The following CCDC171 variants were observed in gnomAD, a reference collection of about 807,000 sequenced individuals.
CCDC171 encodes the protein coiled-coil domain-containing protein 171.
CCDC171 carries 177 observed loss-of-function variants against 168.2 expected under a neutral mutation model. The ratio of observed to expected loss-of-function variants is 1.05; its 90% CI spans 0.93 to 1.19. CCDC171 has a LOEUF of 1.19. Ranked by LOEUF, CCDC171 falls within the 50% of genes most tolerant of loss-of-function variation. The pLI is 0.00. For synonymous variants in CCDC171, 687 were observed against 540.8 expected (o/e 1.27, Z -3.75); for missense variants, 1,991 against 1,539.0 (o/e 1.29, Z -4.91).
At chr9:15,577,378 G>A (rs1168278169) in intron 3 of CCDC171, among the ~76,000 whole-genome samples, 1 of 152,108 alleles carries the variant, frequency 6.6e-6, no homozygotes, top group Non-Finnish European at 1.5e-5. Context: ...TCATAGTTAA[G>A]TGCGTTCATT....
intron 3 of CCDC171, among the ~76,000 whole-genome samples, chr9:16,019,960 G>T (rs1833117951): frequency 6.6e-6 from 1 of 152,076 alleles, no homozygotes; most frequent in South Asian, 2.1e-4. Context: ...GAGATGTTTG[G>T]GGAAAGAAAC....
intron 10 of CCDC171, among the ~76,000 whole-genome samples, chr9:15,679,148 T>A (rs2049859349): frequency 6.6e-6 from 1 of 152,168 alleles, no homozygotes; most frequent in Non-Finnish European, 1.5e-5. Context: ...TTCAAAAATG[T>A]ATTCAAATGT....
the CCDC171 span, among the ~76,000 whole-genome samples, chr9:16,096,359 C>G: frequency 3.2e-3 from 484 of 152,326 alleles, no homozygotes; most frequent in African/African-American, 0.011. Context: ...TTACCCCACA[C>G]CTCTGCACTC....
chr9:15,752,411 A>G (rs1294041267), intron 18 of CCDC171, among the ~76,000 whole-genome samples: 1 of 152,220 alleles, frequency 6.6e-6, no homozygotes, highest in Admixed American at 6.5e-5. Flanking sequence ...GTATATACTG[A>G]AAGGATTGTA....
chr9:15,619,063 A>C (rs147397790), intron 6 of CCDC171, among the ~76,000 whole-genome samples: 1 of 151,808 alleles, frequency 6.6e-6, no homozygotes, highest in East Asian at 1.9e-4. Flanking sequence ...TTAATTTATA[A>C]ATATATGTGT....
In CCDC171 at chr9:15,663,901, C is replaced by T. The variant is rs541314906; in HGVS notation, c.916-2262C>T. Among the ~76,000 whole-genome samples, 207 of 152,038 alleles carry T rather than the reference C, an allele frequency of 1.4e-3. 1 individual carries two copies. The highest frequency in any genetic ancestry group is 2.6e-3 in the Non-Finnish European group (174 of 68,022). ...GATTACATGCGTGAGCCACCGCGCC[C>T]GGCTGAGAATTTTCTTTTTAGTAGT... is the stretch of plus-strand genomic sequence containing the variant. On this transcript the variant is annotated intron_variant, in intron 8 of 25. Coordinates refer to ENST00000380701, the MANE Select transcript of CCDC171 (RefSeq NM_173550.4).
chr9:15,852,552 A>G (rs954388205), intron 23 of CCDC171, among the ~76,000 whole-genome samples: 3 of 151,590 alleles, frequency 2.0e-5, no homozygotes, highest in African/African-American at 4.8e-5. Context: ...TTCTATTTAA[A>G]TAGTGTCCTT....
chr9:16,033,527 T>A (rs969029327), intron 6 of CCDC171, among the ~76,000 whole-genome samples: 1 of 152,232 alleles, frequency 6.6e-6, no homozygotes, highest in African/African-American at 2.4e-5. Flanking sequence ...CACCCCCAGA[T>A]GGGACGGCCT....
At chr9:15,954,869 G>A (rs1362674047) in intron 25 of CCDC171, among the ~76,000 whole-genome samples, 1 of 151,920 alleles carries the variant, frequency 6.6e-6, no homozygotes, top group Non-Finnish European at 1.5e-5. Context: ...AGTTCTCTGA[G>A]CATCTGTAAG....
rs2059632790 is a variant in CCDC171 at position 15,818,224 on chromosome 9, C to G, written c.3268-28478C>G. The stretch of plus-strand genomic sequence containing the variant: ...CACCATCATCAAAGACCAAAGGTAG[C>G]TAAAACCACAAAGATAGGGAAAAAA... On this transcript the variant is annotated intron_variant, in intron 21 of 25. Transcript: ENST00000380701. Among the ~76,000 whole-genome samples the G allele has an allele frequency of 3.4e-5, 4 of 116,160 alleles. 2 individuals are homozygous for G. Among genetic ancestry groups the G allele is most frequent in the African/African-American group, 1.3e-4 (4 of 30,730 alleles). 76.2% of individuals were successfully genotyped at this position (116,160 alleles called of 152,430 possible). A position where few individuals can be genotyped will look rare whatever the true frequency, so the allele number is the denominator to read the frequency against.
At chr9:16,069,176 A>T in the CCDC171 span, among the ~76,000 whole-genome samples, 1 of 152,246 alleles carries the variant, frequency 6.6e-6, no homozygotes, top group Non-Finnish European at 1.5e-5. Context: ...GAGTAAGGTT[A>T]AAATCATAAG....
At chr9:16,061,268 C>T (rs1182549141) in exon 2 of CCDC171, 1 of 152,198 alleles carries the variant, frequency 6.6e-6, no homozygotes, top group African/African-American at 2.4e-5. Context: ...ATGATTCCTT[C>T]CTGCCTGCCT....
chr9:15,819,451 C>T lies in CCDC171; in HGVS notation c.3268-27251C>T, dbSNP rs1302218085. Among the ~76,000 whole-genome samples, 8 of 116,896 alleles carry T rather than the reference C, an allele frequency of 6.8e-5. 2 individuals carry two copies. Among genetic ancestry groups the T allele is most frequent in the East Asian group, 4.3e-4 (2 of 4,678 alleles). 76.7% of individuals were successfully genotyped at this position (116,896 alleles called of 152,430 possible). On this transcript the variant is annotated intron_variant, in intron 21 of 25. Transcript: ENST00000380701. ...TGCTGTATTCAGGAAACCCATCTCA[C>T]GTGCAGAGACACCCATAGACTCAAA... is the stretch of plus-strand genomic sequence containing the variant.
In CCDC171 at chr9:15,711,680, G is replaced by C. The variant is rs563589176; in HGVS notation, c.1319-10089G>C. Among the ~76,000 whole-genome samples the C allele has an allele frequency of 3.3e-5, 5 of 152,302 alleles. No individual in the cohort carries two copies. The South Asian group carries it at 1.0e-3, about 32-fold the overall frequency. On this transcript the variant is annotated intron_variant, in intron 11 of 25. Transcript: ENST00000380701. ...TAAGAATTAGACCTTATGCAATTGT[G>C]GGAGGAGCTGGGAAAGTAAGGTCAG...
intron 6 of CCDC171, 119 bp from the exon 7 acceptor site, chr9:15,623,148 A>C: frequency 1.6e-6 from 1 of 617,932 alleles, no homozygotes; most frequent in Non-Finnish European, 2.6e-6. Flanking sequence ...TGCCTATATA[A>C]ATTAACCTAT....
chr9:15,993,047 C>T (rs1832251230), intron 3 of CCDC171, among the ~76,000 whole-genome samples: 1 of 152,126 alleles, frequency 6.6e-6, no homozygotes, highest in Admixed American at 6.5e-5. Context: ...TCAGTGCTAT[C>T]CCCATCAAGC....
chr9:16,008,099 A>AT (rs1230477196), intron 3 of CCDC171, among the ~76,000 whole-genome samples: 6 of 152,058 alleles, frequency 3.9e-5, no homozygotes, highest in Non-Finnish European at 7.4e-5. Context: ...AAGTTTATCC[A>AT]TTTTTTTGTT....
At chr9:15,703,654 A>G (rs1419016630) in intron 11 of CCDC171, among the ~76,000 whole-genome samples, 1 of 152,216 alleles carries the variant, frequency 6.6e-6, no homozygotes, top group Non-Finnish European at 1.5e-5. Context: ...CCCTTTATCC[A>G]TTGATGGACA....
At chr9:15,592,134 T>G (rs2042047682) in intron 5 of CCDC171, among the ~76,000 whole-genome samples, 1 of 151,072 alleles carries the variant, frequency 6.6e-6, no homozygotes, top group South Asian at 2.1e-4. Flanking sequence ...TTTGCCATTT[T>G]TTTTGAAGTA....
Sources: allele counts gnomAD v4.1 joint callset (sites outside exome capture counted in the v4.1 genomes callset), GRCh38; gene constraint gnomAD v4.1.1; transcripts MANE v1.5; gene names NCBI Gene and HGNC (gene_info 2026-07-23, HGNC 2026-07-21).